CHN2: variants seen among roughly 807,000 people sequenced by gnomAD.
The protein encoded by CHN2 is chimerin 2.
A neutral mutation model predicts 56.3 loss-of-function variants in CHN2; 35 were observed. The ratio of observed to expected loss-of-function variants is 0.62; its 90% CI spans 0.47 to 0.82. The LOEUF (loss-of-function observed/expected upper bound fraction) is 0.82. Among genes scored for constraint, CHN2 ranks in the 40% least tolerant of loss-of-function variants. The pLI, the probability that CHN2 is intolerant of heterozygous loss-of-function variation, is 0.00. For synonymous variants in CHN2, 210 were observed against 212.8 expected (o/e 0.99, Z 0.12); for missense variants, 491 against 580.5 (o/e 0.85, Z 1.58).
chr7:29,361,134 C>T (rs974280544), intron 2 of CHN2, among the ~76,000 whole-genome samples: 1 of 152,176 alleles, frequency 6.6e-6, no homozygotes, highest in African/African-American at 2.4e-5. Flanking sequence ...TCACAGACCA[C>T]CCAAGAATTG....
chr7:29,326,500 T>G (rs39128), intron 1 of CHN2, among the ~76,000 whole-genome samples: 144,694 of 152,296 alleles, frequency 0.95, 68,829 homozygotes, highest in East Asian at 1. Flanking sequence ...GAAGCCTGGG[T>G]AGAGGCAGGA....
intron 1 of CHN2, among the ~76,000 whole-genome samples, chr7:29,215,653 A>G (rs71539591): frequency 0.13 from 20,111 of 151,792 alleles, 1,688 homozygotes; most frequent in Non-Finnish European, 0.19. Flanking sequence ...CAGGGCAAGG[A>G]TTTGCTTCTG....
intron 1 of CHN2, among the ~76,000 whole-genome samples, chr7:29,298,508 TG>T (rs760452041): frequency 1.6e-4 from 25 of 152,176 alleles, no homozygotes; most frequent in Non-Finnish European, 3.2e-4. Context: ...CCCAGGTAAC[TG>T]GTGGCTACAG....
chr7:29,389,262 T>C (rs556777308), intron 3 of CHN2, among the ~76,000 whole-genome samples: 2 of 152,368 alleles, frequency 1.3e-5, no homozygotes, highest in African/African-American at 4.8e-5. Flanking sequence ...TTGTCTCGAA[T>C]GTTTTTCCTA....
At chr7:29,195,625 A>AGTGTGTGT (rs1197819580) in intron 1 of CHN2, among the ~76,000 whole-genome samples, 5 of 116,056 alleles carry the variant, frequency 4.3e-5, no homozygotes, top group African/African-American at 1.6e-4. Context: ...AGAGAGAGAG[A>AGTGTGTGT]GAGAGTGTGT....
chr7:29,182,789 G>A (rs1042103025), intron 2 of CHN2, among the ~76,000 whole-genome samples: 1 of 152,150 alleles, frequency 6.6e-6, no homozygotes, highest in Non-Finnish European at 1.5e-5. Flanking sequence ...AGGCTTATAG[G>A]AAATTAAATT....
intron 1 of CHN2, among the ~76,000 whole-genome samples, chr7:29,217,267 C>G (rs1458169861): frequency 6.6e-6 from 1 of 152,196 alleles, no homozygotes; most frequent in Non-Finnish European, 1.5e-5. Flanking sequence ...ACCTATTGCT[C>G]TACCACTGCC....
chr7:29,455,757 AG>A (rs1314233659), intron 6 of CHN2, among the ~76,000 whole-genome samples: 33 of 152,322 alleles, frequency 2.2e-4, no homozygotes, highest in African/African-American at 7.9e-4. Flanking sequence ...GAGAGAACAG[AG>A]GATAACCTGA....
intron 1 of CHN2, among the ~76,000 whole-genome samples, chr7:29,353,890 T>TA (rs533109207): frequency 3.3e-5 from 5 of 152,232 alleles, no homozygotes; most frequent in Non-Finnish European, 7.3e-5. Context: ...ACGACTCTAA[T>TA]AACTGCATCA....
intron 1 of CHN2, among the ~76,000 whole-genome samples, chr7:29,348,463 C>G (rs544952960): frequency 7.9e-5 from 12 of 152,174 alleles, no homozygotes; most frequent in African/African-American, 2.9e-4. Context: ...AGGTTTTGAT[C>G]ATTTTCTAAG....
intron 1 of CHN2, among the ~76,000 whole-genome samples, chr7:29,284,616 G>A (rs39112): frequency 0.45 from 67,971 of 151,886 alleles, 15,777 homozygotes; most frequent in African/African-American, 0.58. Context: ...TCTCAGCGAA[G>A]TGAATTCTGC....
chr7:29,246,767 T>G (rs1406816336), intron 1 of CHN2, among the ~76,000 whole-genome samples: 1 of 152,204 alleles, frequency 6.6e-6, no homozygotes, highest in East Asian at 1.9e-4. Flanking sequence ...GATGAGAGCC[T>G]TCTTCCTCAT....
intron 6 of CHN2, among the ~76,000 whole-genome samples, chr7:29,443,096 G>A (rs374879133): frequency 4.9e-4 from 74 of 150,242 alleles, no homozygotes; most frequent in African/African-American, 1.6e-3. Context: ...GCCCGCCACC[G>A]CGCCCGGCTA....
intron 1 of CHN2, among the ~76,000 whole-genome samples, chr7:29,353,161 A>C (rs1260732947): frequency 4.6e-5 from 7 of 152,196 alleles, no homozygotes; most frequent in African/African-American, 1.7e-4. Flanking sequence ...TGAGCATGGG[A>C]GGCATTTAGT....
chr7:29,216,893 T>C (rs1259069618), intron 1 of CHN2, among the ~76,000 whole-genome samples: 2 of 152,230 alleles, frequency 1.3e-5, no homozygotes, highest in African/African-American at 4.8e-5. Flanking sequence ...CTTATTTGTA[T>C]GTACCTGAGG....
At chr7:29,441,991 CAG>C (rs1783682078) in intron 6 of CHN2, among the ~76,000 whole-genome samples, 1 of 152,138 alleles carries the variant, frequency 6.6e-6, no homozygotes, top group Non-Finnish European at 1.5e-5. Context: ...ATGTTCATAA[CAG>C]AACTACCCAT....
intron 1 of CHN2, among the ~76,000 whole-genome samples, chr7:29,204,703 A>C (rs1784401521): frequency 6.6e-6 from 1 of 152,096 alleles, no homozygotes; most frequent in East Asian, 1.9e-4. Flanking sequence ...AGGGCACAGA[A>C]GTTTTTGTTC....
intron 2 of CHN2, among the ~76,000 whole-genome samples, chr7:29,360,092 T>A (rs1321171614): frequency 1.3e-5 from 2 of 152,224 alleles, no homozygotes; most frequent in African/African-American, 4.8e-5. Flanking sequence ...AGTGGGGGGA[T>A]CTGCAATGTA....
intron 2 of CHN2, among the ~76,000 whole-genome samples, chr7:29,170,947 GC>G (rs2128724618): frequency 6.6e-6 from 1 of 152,224 alleles, no homozygotes; most frequent in South Asian, 2.1e-4. Flanking sequence ...GGAAAGACCT[GC>G]CCCCATGCTT....
Sources: gnomAD v4.1 joint callset for allele counts (sites outside exome capture counted in the v4.1 genomes callset) on GRCh38, gnomAD v4.1.1 for gene constraint, MANE v1.5 for transcripts, NCBI Gene and HGNC (gene_info 2026-07-23, HGNC 2026-07-21) for gene names.